SLC9A1: variants seen among roughly 807,000 people sequenced by gnomAD.
SLC9A1 encodes the protein solute carrier family 9 member A1.
Under a neutral mutation model 67.9 loss-of-function variants are expected in SLC9A1, and 22 were observed. The observed-to-expected ratio is 0.32, with a 90% confidence interval of 0.23 to 0.46. The LOEUF (loss-of-function observed/expected upper bound fraction) is 0.46. SLC9A1 is among the 20% of genes least tolerant of loss of function. The pLI, the probability that SLC9A1 is intolerant of heterozygous loss-of-function variation, is 1.00. For synonymous variants in SLC9A1, 421 were observed against 471.8 expected (o/e 0.89, Z 1.40); for missense variants, 686 against 1,094.8 (o/e 0.63, Z 5.27).
intron 1 of SLC9A1, among the ~76,000 whole-genome samples, chr1:27,144,176 G>A (rs1018647866): frequency 2.6e-5 from 4 of 152,156 alleles, no homozygotes; most frequent in African/African-American, 9.7e-5. Context: ...AAATTAACAA[G>A]ATTGCCTTCT....
At chr1:27,139,551 T>C (rs1157741033) in intron 1 of SLC9A1, among the ~76,000 whole-genome samples, 2 of 152,210 alleles carry the variant, frequency 1.3e-5, no homozygotes, top group Admixed American at 6.5e-5. Flanking sequence ...GGTAGCTCTG[T>C]CCTCACTGCC....
At chr1:27,131,949 T>TAAAAAAAAAAAAAAAAAAAAAAA (rs200128151) in intron 1 of SLC9A1, among the ~76,000 whole-genome samples, 1 of 25,316 alleles carries the variant, frequency 4.0e-5, no homozygotes, top group African/African-American at 9.5e-5. Context: ...AAAAAAAAAA[T>TAAAAAAAAAAAAAAAAAAAAAAA]ATATATATAT....
At position 27,154,293 on chromosome 1, in the gene SLC9A1, C is replaced by A; in HGVS notation, c.42G>T (p.Arg14=). ...RSGICGLSPH[R]IFPSLLVVVA... is the part of the protein sequence containing the mutation. ...CCACCACGAGTAAGGAAGGGAAGAT[C>A]CGATGTGGAGAGAGGCCACAGATGC... The change falls in exon 1 of 12, where the codon CGG becomes CGT. Residue 14 remains arginine (R), a synonymous_variant. Coordinates refer to ENST00000263980, the MANE Select transcript of SLC9A1 (RefSeq NM_003047.5). The A allele has an allele frequency of 6.2e-7, 1 of 1,610,136 alleles. No individual in the cohort carries two copies. Among genetic ancestry groups the A allele is most frequent in the Non-Finnish European group, 8.5e-7 (1 of 1,177,850 alleles).
chr1:27,102,304 G>GC, intron 8 of SLC9A1, 81 bp downstream of exon 8: 10 of 1,476,680 alleles, frequency 6.8e-6, no homozygotes, highest in South Asian at 1.3e-5. Context: ...AGAAGACCCC[G>GC]CCCCCCAGGT....
chr1:27,131,947 A>AAAAAAAAAAAAT, intron 1 of SLC9A1, among the ~76,000 whole-genome samples: 14 of 52,120 alleles, frequency 2.7e-4, no homozygotes, highest in Admixed American at 9.1e-4. Flanking sequence ...AGAAAAAAAA[A>AAAAAAAAAAAAT]ATATATATAT....
At chr1:27,102,285 C>G in intron 8 of SLC9A1, 100 bp downstream of exon 8, 1 of 1,419,770 alleles carries the variant, frequency 7.0e-7, no homozygotes, top group Non-Finnish European at 9.7e-7. Context: ...TCCGCCCCAA[C>G]AGGACAACAG....
intron 1 of SLC9A1, among the ~76,000 whole-genome samples, chr1:27,117,334 GC>G (rs1236891411): frequency 6.6e-6 from 1 of 152,214 alleles, no homozygotes; most frequent in African/African-American, 2.4e-5. Flanking sequence ...CAGCCTCCCT[GC>G]CCCTGTCCTG....
chr1:27,137,032 C>T lies in SLC9A1; in HGVS notation c.352+16951G>A, dbSNP rs2083424727. Among the ~76,000 whole-genome samples the T allele has an allele frequency of 6.6e-6, 1 of 152,222 alleles. No homozygotes were observed. The highest frequency in any genetic ancestry group is 1.5e-5 in the Non-Finnish European group (1 of 68,038). ...TGTAAGTGGTAGTGCCAGATGGAGC[C>T]CCATCTGCCCCCAGGGCCCACCTGC... is the stretch of plus-strand genomic sequence containing the variant. On this transcript the variant is annotated intron_variant, in intron 1 of 11. Coordinates refer to ENST00000263980, the MANE Select transcript of SLC9A1 (RefSeq NM_003047.5). This position sits in a 1 kb window ranked among gnomAD's most constrained non-coding sequence, Gnocchi z 4.6.
chr1:27,127,408 G>C (rs1196943030), intron 1 of SLC9A1, among the ~76,000 whole-genome samples: 2 of 152,232 alleles, frequency 1.3e-5, no homozygotes, highest in Non-Finnish European at 2.9e-5. Flanking sequence ...TGCCCTGGCA[G>C]TGGGCAACAG....
At chr1:27,125,758 C>T (rs1175481350) in intron 1 of SLC9A1, among the ~76,000 whole-genome samples, 5 of 152,010 alleles carry the variant, frequency 3.3e-5, no homozygotes, top group Non-Finnish European at 5.9e-5. Flanking sequence ...CCACGTCCAG[C>T]TAATTTTTGT....
intron 2 of SLC9A1, among the ~76,000 whole-genome samples, chr1:27,113,389 T>C (rs1052201805): frequency 8.5e-5 from 13 of 152,116 alleles, no homozygotes; most frequent in Admixed American, 8.5e-4. Flanking sequence ...GCCCAGGTAT[T>C]TGAGGCTGCA....
At position 27,154,642 on chromosome 1, in the gene SLC9A1, AG is replaced by A. The variant is rs1364152338; in HGVS notation, c.-309del. 1 of 323,046 alleles carries A rather than the reference AG, an allele frequency of 3.1e-6. No individual in the cohort carries two copies. Among genetic ancestry groups the A allele is most frequent in the Non-Finnish European group, 5.8e-6 (1 of 173,894 alleles). 20.0% of individuals were successfully genotyped at this position (323,046 alleles called of 1,614,324 possible). ...GTGGGAAACTGAGCCCTAGGGATAG[AG>A]GAAGGGGCAGGATAGGGATAGTGCA... On this transcript the variant is annotated 5_prime_UTR_variant, in exon 1 of 12. Coordinates refer to ENST00000263980, the MANE Select transcript of SLC9A1 (RefSeq NM_003047.5).
chr1:27,120,575 G>GA (rs1177713069), intron 1 of SLC9A1, among the ~76,000 whole-genome samples: 1 of 151,642 alleles, frequency 6.6e-6, no homozygotes. Context: ...TCGTCTCTAC[G>GA]AAAAATACAA....
chr1:27,125,751 C>T (rs892599758), intron 1 of SLC9A1, among the ~76,000 whole-genome samples: 4 of 152,072 alleles, frequency 2.6e-5, no homozygotes, highest in Admixed American at 1.3e-4. Flanking sequence ...TATGCCACCA[C>T]GTCCAGCTAA....
chr1:27,148,343 A>G (rs1570889208), intron 1 of SLC9A1, among the ~76,000 whole-genome samples: 1 of 152,134 alleles, frequency 6.6e-6, no homozygotes, highest in Non-Finnish European at 1.5e-5. Context: ...CAAAGCTGTC[A>G]AGGCTCCAGA....
At chr1:27,149,009 A>T (rs2083508363) in intron 1 of SLC9A1, among the ~76,000 whole-genome samples, 1 of 152,208 alleles carries the variant, frequency 6.6e-6, no homozygotes, top group Admixed American at 6.5e-5. Flanking sequence ...GCTAGCAGAG[A>T]ACAAGGGATA....
Position 27,119,153 on chromosome 1 carries a change from T to G in SLC9A1, c.353-4867A>C, listed in dbSNP as rs143287150. On this transcript the variant is annotated intron_variant, in intron 1 of 11. Transcript: ENST00000263980. ...GGCTCCCAGCCCCCTGCGGCTGCTC[T>G]GCACCACAAGAATGTTTTATTTATA... is the stretch of plus-strand genomic sequence containing the variant. Among the ~76,000 whole-genome samples, 56 of 152,192 alleles carry G rather than the reference T, an allele frequency of 3.7e-4. 1 individual carries two copies. The highest frequency in any genetic ancestry group is 7.4e-4 in the Non-Finnish European group (50 of 68,000).
At chr1:27,131,170 G>A (rs1308634694) in intron 1 of SLC9A1, among the ~76,000 whole-genome samples, 1 of 152,202 alleles carries the variant, frequency 6.6e-6, no homozygotes, top group Non-Finnish European at 1.5e-5. Context: ...AGCCACCACT[G>A]GGCAGGACAA....
At chr1:27,132,373 C>G (rs969343418) in intron 1 of SLC9A1, among the ~76,000 whole-genome samples, 1 of 152,018 alleles carries the variant, frequency 6.6e-6, no homozygotes, top group Admixed American at 6.6e-5. Flanking sequence ...CTCTGGGTCT[C>G]GGGTTTGCTC....
Sources: gnomAD v4.1 joint callset for allele counts (sites outside exome capture counted in the v4.1 genomes callset) on GRCh38, gnomAD v4.1.1 for gene constraint, Gnocchi (gnomAD v3.1) non-coding constraint, MANE v1.5 for transcripts, NCBI Gene and HGNC (gene_info 2026-07-23, HGNC 2026-07-21) for gene names.